The following GLIS3 variants were observed in gnomAD, a reference collection of about 807,000 sequenced individuals.
GLIS3 encodes the protein zinc finger protein GLIS3.
A neutral mutation model predicts 78.6 loss-of-function variants in GLIS3; 53 were observed. The observed-to-expected ratio is 0.67, with a 90% CI of 0.54 to 0.85. The LOEUF (loss-of-function observed/expected upper bound fraction) is 0.85, where lower values mean the gene tolerates loss of function less well. Among genes scored for constraint, GLIS3 ranks in the 40% least tolerant of loss-of-function variants. The probability of loss-of-function intolerance (pLI) is 0.00; values close to 1 mark genes in which losing one functional copy is unlikely to be tolerated. For synonymous variants in GLIS3, 684 were observed against 509.9 expected (o/e 1.34, Z -4.60); for missense variants, 1,703 against 1,231.1 (o/e 1.38, Z -5.74).
At chr9:4,403,384 T>TA in the GLIS3 span, among the ~76,000 whole-genome samples, 1 of 152,278 alleles carries the variant, frequency 6.6e-6, no homozygotes, top group Non-Finnish European at 1.5e-5. Flanking sequence ...AACTCACTGG[T>TA]AATAGTAAGC....
At chr9:4,194,834 T>C (rs918092465) in intron 2 of GLIS3, among the ~76,000 whole-genome samples, 7 of 152,192 alleles carry the variant, frequency 4.6e-5, no homozygotes, top group Non-Finnish European at 5.9e-5. Flanking sequence ...AGGGAGACGC[T>C]TGAAGATGCT....
intron 2 of GLIS3, among the ~76,000 whole-genome samples, chr9:4,262,379 G>T (rs532935423): frequency 1.3e-5 from 2 of 152,112 alleles, no homozygotes; most frequent in African/African-American, 2.4e-5. Flanking sequence ...GATTTGGGAA[G>T]GATGCAGGGC....
the GLIS3 span, among the ~76,000 whole-genome samples, chr9:4,467,958 C>A: frequency 6.6e-6 from 1 of 152,122 alleles, no homozygotes; most frequent in Non-Finnish European, 1.5e-5. Context: ...CCTGATGGAG[C>A]TGAAATTCAT....
At chr9:4,011,585 C>G (rs1822014902) in intron 4 of GLIS3, among the ~76,000 whole-genome samples, 1 of 152,190 alleles carries the variant, frequency 6.6e-6, no homozygotes, top group Non-Finnish European at 1.5e-5. Context: ...GAGCTAAGAC[C>G]TGGCAGCCCA....
chr9:3,907,644 ACACACACACACT>A (rs1182151019), intron 6 of GLIS3, among the ~76,000 whole-genome samples: 3 of 143,588 alleles, frequency 2.1e-5, no homozygotes, highest in African/African-American at 7.5e-5. Flanking sequence ...ACACACACAC[ACACACACACACT>A]ACTAAACAGT....
At chr9:3,871,765 G>T (rs570756265) in intron 8 of GLIS3, among the ~76,000 whole-genome samples, 79 of 152,312 alleles carry the variant, frequency 5.2e-4, no homozygotes, top group African/African-American at 1.9e-3. Flanking sequence ...TGGAGGGACT[G>T]CTGTGAAGAC....
intron 4 of GLIS3, among the ~76,000 whole-genome samples, chr9:3,998,479 A>G (rs1040194851): frequency 6.6e-6 from 1 of 152,012 alleles, no homozygotes; most frequent in Non-Finnish European, 1.5e-5. Context: ...TACCTACTAT[A>G]TACTACTGTA....
At chr9:3,969,877 T>C (rs571753481) in intron 4 of GLIS3, among the ~76,000 whole-genome samples, 2 of 152,338 alleles carry the variant, frequency 1.3e-5, no homozygotes, top group Non-Finnish European at 2.9e-5. Context: ...CAGTATACTT[T>C]CAGGGAAGGA....
intron 9 of GLIS3, among the ~76,000 whole-genome samples, chr9:3,830,746 T>C (rs573587300): frequency 6.6e-4 from 100 of 152,282 alleles, no homozygotes; most frequent in African/African-American, 2.2e-3. Flanking sequence ...CTTCTTGAGA[T>C]TGGAAGGCTT....
the GLIS3 span, among the ~76,000 whole-genome samples, chr9:4,453,905 G>C: frequency 6.6e-6 from 1 of 152,074 alleles, no homozygotes; most frequent in African/African-American, 2.4e-5. Context: ...TAAATGACGA[G>C]TTGATGGGTG....
At position 4,322,152 on chromosome 9, in the gene GLIS3, G is replaced by C. The variant is rs188071156; in HGVS notation, n.265-11624C>G. Among the ~76,000 whole-genome samples the C allele has an allele frequency of 1.3e-3, 203 of 152,280 alleles. 1 individual carries two copies. The highest frequency in any genetic ancestry group is 2.2e-3 in the Non-Finnish European group (151 of 68,028). ...TGTTTGGTTTTCCATCCTTGTGATA[G>C]TTTGCTCAGAATGATGGTTTCCAGC... On this transcript the variant is annotated intron_variant and non_coding_transcript_variant, in intron 2 of 4. Coordinates refer to the GLIS3 transcript ENST00000471664.
chr9:3,868,367 TA>T (rs1563794589), intron 8 of GLIS3, among the ~76,000 whole-genome samples: 1 of 145,262 alleles, frequency 6.9e-6, no homozygotes, highest in Non-Finnish European at 1.6e-5. Context: ...AAAATGGAAG[TA>T]ATTTTTTTTT....
the GLIS3 span, among the ~76,000 whole-genome samples, chr9:4,474,932 A>G: frequency 4.6e-5 from 7 of 151,236 alleles, no homozygotes; most frequent in East Asian, 1.4e-3. Flanking sequence ...TATTTCTTAA[A>G]CAGAACTCTG....
intron 8 of GLIS3, among the ~76,000 whole-genome samples, chr9:3,874,280 C>A (rs952348193): frequency 2.0e-5 from 3 of 152,198 alleles, no homozygotes; most frequent in African/African-American, 7.2e-5. Context: ...CCATAAAAAT[C>A]CAAAAGGACT....
rs144747340 is a variant in GLIS3 at position 4,219,435 on chromosome 9, A to C, written c.388+66603T>G. 5.0e-3 allele frequency among the ~76,000 whole-genome samples: 755 copies of C among 152,326 alleles called. 6 individuals are homozygous for C. The highest frequency in any genetic ancestry group is 0.016 in the African/African-American group (683 of 41,562). ...ATCCTCTACAAATTATATCCATTTAACTTAGTGTAGTATACAAATGTCACT... is the reference window on the plus strand; with the variant it reads ...ATCCTCTACAAATTATATCCATTTACCTTAGTGTAGTATACAAATGTCACT... On this transcript the variant is annotated intron_variant, in intron 2 of 10. Transcript: ENST00000381971.
intron 1 of GLIS3, among the ~76,000 whole-genome samples, chr9:4,292,268 T>C (rs551469598): frequency 3.3e-5 from 5 of 152,288 alleles, no homozygotes; most frequent in African/African-American, 9.6e-5. Flanking sequence ...TAGAATAAAA[T>C]AGAAGCTATT....
chr9:4,315,710 G>A (rs1817425936), intron 2 of GLIS3, among the ~76,000 whole-genome samples: 1 of 152,106 alleles, frequency 6.6e-6, no homozygotes, highest in Non-Finnish European at 1.5e-5. Flanking sequence ...GTCTTTTGGG[G>A]CCAGCCTCTC....
chr9:4,036,555 C>T (rs1391286068), intron 4 of GLIS3, among the ~76,000 whole-genome samples: 1 of 152,060 alleles, frequency 6.6e-6, no homozygotes, highest in Non-Finnish European at 1.5e-5. Flanking sequence ...AGACTCAAAC[C>T]AGAAAACAGT....
At chr9:3,913,087 G>C (rs2130692159) in intron 6 of GLIS3, among the ~76,000 whole-genome samples, 1 of 152,252 alleles carries the variant, frequency 6.6e-6, no homozygotes, top group South Asian at 2.1e-4. Context: ...GTCTTCCCTT[G>C]AATTGGTTTC....
Sources: gnomAD v4.1 joint callset for allele counts (sites outside exome capture counted in the v4.1 genomes callset) on GRCh38, gnomAD v4.1.1 for gene constraint, MANE v1.5 for transcripts, NCBI Gene and HGNC (gene_info 2026-07-23, HGNC 2026-07-21) for gene names.